The following CNIH3 variants were observed in gnomAD, a reference collection of about 807,000 sequenced individuals.
CNIH3 encodes the protein cornichon family AMPA receptor auxiliary protein 3.
In CNIH3, 14 loss-of-function variants were observed where a neutral mutation model predicts 24.1. The observed-to-expected ratio is 0.58, with a 90% CI of 0.38 to 0.91. The LOEUF (loss-of-function observed/expected upper bound fraction) is 0.91, where lower values mean the gene tolerates loss of function less well. CNIH3 is among the 40% of genes least tolerant of loss of function. CNIH3 has a pLI of 0.00. For synonymous variants in CNIH3, 68 were observed against 73.8 expected, an observed-to-expected ratio of 0.92 and a Z score of 0.40; for missense variants, 178 against 196.8, an observed-to-expected ratio of 0.90 and a Z score of 0.57.
At chr1:224,603,142 G>T (rs1682276538) in intron 3 of CNIH3, among the ~76,000 whole-genome samples, 1 of 150,338 alleles carries the variant, frequency 6.7e-6, no homozygotes, top group Non-Finnish European at 1.5e-5. Flanking sequence ...AAAGAAGGAG[G>T]CAGGCAGAGG....
intron 1 of CNIH3, among the ~76,000 whole-genome samples, chr1:224,625,137 G>T (rs1405233718): frequency 6.6e-6 from 1 of 152,170 alleles, no homozygotes; most frequent in East Asian, 1.9e-4. Flanking sequence ...CTCAGTGATT[G>T]CCAATAAATA....
At chr1:224,580,968 C>T (rs1264919682) in intron 4 of CNIH3, among the ~76,000 whole-genome samples, 4 of 152,100 alleles carry the variant, frequency 2.6e-5, no homozygotes, top group African/African-American at 4.8e-5. Context: ...TCCTCTTTTC[C>T]CATACCATGA....
At chr1:224,447,020 A>G (rs1675194077) in intron 1 of CNIH3, among the ~76,000 whole-genome samples, 1 of 152,144 alleles carries the variant, frequency 6.6e-6, no homozygotes, top group African/African-American at 2.4e-5. Context: ...GTAAAAATGT[A>G]AAGAACTTTT....
chr1:224,711,659 G>A (rs1478607367), intron 3 of CNIH3, among the ~76,000 whole-genome samples: 1 of 151,480 alleles, frequency 6.6e-6, no homozygotes, highest in South Asian at 2.1e-4. Context: ...GCCAGGTATG[G>A]TGGTACCCGC....
rs181691207 is a variant in CNIH3 at position 224,716,429 on chromosome 1, C to G, written c.199-14033C>G. ...CCCACCACCACTACCACATAGGACCCAGTATATAATAAATGCTGAATGAGT... is the reference window on the plus strand; with the variant it reads ...CCCACCACCACTACCACATAGGACCGAGTATATAATAAATGCTGAATGAGT... On this transcript the variant is annotated intron_variant, in intron 3 of 5. Transcript: ENST00000272133. 2.3e-3 allele frequency among the ~76,000 whole-genome samples: 348 copies of G among 152,260 alleles called. 1 individual carries two copies. The highest frequency in any genetic ancestry group is 0.014 in the Middle Eastern group (4 of 294).
chr1:224,645,451 A>G (rs1000152355), intron 1 of CNIH3, among the ~76,000 whole-genome samples: 5 of 152,272 alleles, frequency 3.3e-5, no homozygotes, highest in African/African-American at 1.2e-4. Context: ...CGCGTGTTAC[A>G]GAGCGTGCTG....
chr1:224,621,247 T>C (rs6693360), intron 1 of CNIH3, among the ~76,000 whole-genome samples: 3,850 of 152,274 alleles, frequency 0.025, 161 homozygotes, highest in African/African-American at 0.078. Context: ...ATGACATACA[T>C]ATGTGCCGAG....
intron 1 of CNIH3, among the ~76,000 whole-genome samples, chr1:224,671,469 C>G (rs1335975159): frequency 1.3e-5 from 2 of 152,190 alleles, no homozygotes; most frequent in Admixed American, 1.3e-4. Context: ...TCCTCACTCC[C>G]CCTTACAGAA....
chr1:224,692,829 C>G (rs1374628820), intron 3 of CNIH3, among the ~76,000 whole-genome samples: 1 of 152,204 alleles, frequency 6.6e-6, no homozygotes, highest in Admixed American at 6.5e-5. Flanking sequence ...GAGATTGCTG[C>G]TTCTTTTCGA....
At chr1:224,630,089 G>A (rs1364426808) in intron 1 of CNIH3, among the ~76,000 whole-genome samples, 2 of 152,094 alleles carry the variant, frequency 1.3e-5, no homozygotes, top group Non-Finnish European at 1.5e-5. Flanking sequence ...AGAGAGTAGC[G>A]GTGTTTCCCA....
intron 1 of CNIH3, among the ~76,000 whole-genome samples, chr1:224,648,488 C>T (rs1381394372): frequency 2.6e-5 from 4 of 151,454 alleles, no homozygotes; most frequent in Non-Finnish European, 4.4e-5. Context: ...GAAAAGAGCA[C>T]AAAGGGAGAA....
rs189689803 is a variant in CNIH3, at chr1:224,449,252, C to A, written n.203+14390C>A. ...GTGCTGGGATTACAGGTGTGAGCCA[C>A]CGCACCCGGCCAGAAACTGGGATTC... On this transcript the variant is annotated intron_variant and non_coding_transcript_variant, in intron 1 of 5. Transcript: ENST00000471578. Among the ~76,000 whole-genome samples the A allele has an allele frequency of 1.2e-4, 18 of 152,200 alleles. No homozygotes were observed. The East Asian group carries it at 2.5e-3, about 21-fold the overall frequency.
chr1:224,490,141 A>C (rs1003393276), intron 1 of CNIH3, among the ~76,000 whole-genome samples: 4 of 152,254 alleles, frequency 2.6e-5, no homozygotes, highest in African/African-American at 7.2e-5. Flanking sequence ...TTAGAAAGAC[A>C]GGCTCATCCA....
chr1:224,494,630 T>A (rs776770651), intron 1 of CNIH3, among the ~76,000 whole-genome samples: 1 of 152,178 alleles, frequency 6.6e-6, no homozygotes, highest in African/African-American at 2.4e-5. Flanking sequence ...GTTTAACTTC[T>A]ATGGTTCTTT....
intron 1 of CNIH3, among the ~76,000 whole-genome samples, chr1:224,662,443 A>G (rs1221036523): frequency 6.6e-6 from 1 of 152,214 alleles, no homozygotes; most frequent in Non-Finnish European, 1.5e-5. Context: ...ACTTATAAAA[A>G]AAAATCACAC....
chr1:224,538,970 C>T (rs112669149), downstream of CNIH3, among the ~76,000 whole-genome samples: 536 of 151,808 alleles, frequency 3.5e-3, 4 homozygotes, highest in African/African-American at 0.013. Flanking sequence ...TGCCCAGCCT[C>T]TACTTACTGT....
intron 1 of CNIH3, among the ~76,000 whole-genome samples, chr1:224,673,575 C>A (rs1441007502): frequency 6.6e-6 from 1 of 152,218 alleles, no homozygotes; most frequent in Non-Finnish European, 1.5e-5. Context: ...GTCAGAGAGG[C>A]TTCCCTGATC....
chr1:224,501,526 T>TA (rs200735493), intron 1 of CNIH3, among the ~76,000 whole-genome samples: 1,592 of 62,610 alleles, frequency 0.025, 19 homozygotes, highest in African/African-American at 0.061. Flanking sequence ...TATATATATA[T>TA]TTTTTTTTTT....
rs1687622051 is a variant in CNIH3 at position 224,703,605 on chromosome 1, C to T, written c.198+18762C>T. On this transcript the variant is annotated intron_variant, in intron 3 of 5. Coordinates refer to ENST00000272133, the MANE Select transcript of CNIH3 (RefSeq NM_152495.2). The surrounding 1 kb of genome is among the most constrained non-coding windows in gnomAD (Gnocchi z 4.2). ...GTGCTGATGGGGAGCTACTGCTTTC[C>T]TATTAGCATTGCTGCCTTTACCTGC... Among the ~76,000 whole-genome samples, 1 of 152,174 alleles carries T rather than the reference C, an allele frequency of 6.6e-6. No homozygotes were observed. The highest frequency in any genetic ancestry group is 1.5e-5 in the Non-Finnish European group (1 of 68,018).
Sources: gnomAD v4.1 joint callset for allele counts (sites outside exome capture counted in the v4.1 genomes callset) on GRCh38, gnomAD v4.1.1 for gene constraint, Gnocchi (gnomAD v3.1) non-coding constraint, MANE v1.5 for transcripts, NCBI Gene and HGNC (gene_info 2026-07-23, HGNC 2026-07-21) for gene names.